Variants in PTPRG observed in about 807,000 individuals in gnomAD.
The protein encoded by PTPRG is protein tyrosine phosphatase receptor type G.
PTPRG carries 102 observed loss-of-function variants against 165.3 expected under a neutral mutation model. The observed-to-expected ratio is 0.62, with a 90% confidence interval of 0.53 to 0.73. The LOEUF (loss-of-function observed/expected upper bound fraction) is 0.73, where lower values mean the gene tolerates loss of function less well. Ranked by LOEUF, PTPRG falls within the 30% of genes least tolerant of loss-of-function variation. The pLI is 0.00. For missense variants in PTPRG, 1,866 were observed against 1,861.4 expected, an observed-to-expected ratio of 1.00 and a Z score of -0.05; for synonymous variants, 675 against 669.5, an observed-to-expected ratio of 1.01 and a Z score of -0.13.
intron 1 of PTPRG, among the ~76,000 whole-genome samples, chr3:61,628,128 A>G (rs1701662640): frequency 6.6e-6 from 1 of 152,190 alleles, no homozygotes; most frequent in South Asian, 2.1e-4. Flanking sequence ...TGCTCTAAGT[A>G]TATGTTGGAG....
intron 2 of PTPRG, among the ~76,000 whole-genome samples, chr3:61,928,188 A>G (rs12715574): frequency 0.78 from 118,013 of 152,110 alleles, 46,032 homozygotes; most frequent in Middle Eastern, 0.85. Context: ...AGTGGCCTTC[A>G]AGCTCCCTCT....
intron 1 of PTPRG, among the ~76,000 whole-genome samples, chr3:61,645,248 AG>A (rs1470009190): frequency 6.6e-6 from 1 of 152,232 alleles, no homozygotes; most frequent in Non-Finnish European, 1.5e-5. Context: ...AGAAAATAAA[AG>A]CTCTCCCAGT....
At chr3:62,156,679 A>G (rs1244135241) in intron 6 of PTPRG, among the ~76,000 whole-genome samples, 1 of 152,314 alleles carries the variant, frequency 6.6e-6, no homozygotes, top group East Asian at 1.9e-4. Context: ...GAAGAGTTCT[A>G]TGATGAAACA....
At chr3:62,261,121 TAAAC>T (rs1701684711) in intron 16 of PTPRG, 2 of 151,960 alleles carry the variant, frequency 1.3e-5, no homozygotes, top group Admixed American at 6.6e-5. Flanking sequence ...AAAAAATCAA[TAAAC>T]AAAGTAAATC....
At chr3:62,032,423 C>T (rs572289150) in intron 4 of PTPRG, among the ~76,000 whole-genome samples, 6 of 152,072 alleles carry the variant, frequency 3.9e-5, no homozygotes, top group Admixed American at 2.6e-4. Flanking sequence ...AATTGAATAC[C>T]GAATATACTA....
intron 2 of PTPRG, among the ~76,000 whole-genome samples, chr3:61,982,498 A>G (rs1447458559): frequency 1.3e-5 from 2 of 152,128 alleles, no homozygotes; most frequent in South Asian, 2.1e-4. Flanking sequence ...TCTTTAAAGG[A>G]CCTTCAGAAT....
intron 2 of PTPRG, among the ~76,000 whole-genome samples, chr3:61,765,920 T>A (rs576208591): frequency 6.6e-6 from 1 of 152,304 alleles, no homozygotes; most frequent in East Asian, 1.9e-4. Flanking sequence ...TGTAGATATT[T>A]GAGTATAAAG....
rs1420782861 is a variant in PTPRG, at chr3:61,995,714, T to G, written c.370+5910T>G. ...TTCCTTCCTTCCTTCCTTCCTTCCTTCCTTCCTTCCTTCCTTCCTTCCTTC... is the reference window on the plus strand; with the variant it reads ...TTCCTTCCTTCCTTCCTTCCTTCCTGCCTTCCTTCCTTCCTTCCTTCCTTC... On this transcript the variant is annotated intron_variant, in intron 3 of 29. Coordinates refer to ENST00000474889, the MANE Select transcript of PTPRG (RefSeq NM_002841.4). Among the ~76,000 whole-genome samples, 231 of 138,860 alleles carry G rather than the reference T, an allele frequency of 1.7e-3. 5 individuals carry two copies. Among genetic ancestry groups the G allele is most frequent in the African/African-American group, 5.8e-3 (212 of 36,380 alleles). 91.1% of individuals were successfully genotyped at this position (138,860 alleles called of 152,430 possible).
intron 2 of PTPRG, among the ~76,000 whole-genome samples, chr3:61,943,420 G>A (rs1043208362): frequency 2.1e-4 from 32 of 152,222 alleles, no homozygotes; most frequent in African/African-American, 7.7e-4. Flanking sequence ...GCGCAACTCC[G>A]TCTCTACTAA....
intron 4 of PTPRG, among the ~76,000 whole-genome samples, chr3:62,075,616 G>T (rs1252242951): frequency 1.3e-5 from 2 of 152,250 alleles, no homozygotes; most frequent in East Asian, 1.9e-4. Flanking sequence ...ATTTTCCTAG[G>T]AAGTGTCCTG....
At chr3:62,235,621 C>T (rs553500730) in intron 14 of PTPRG, among the ~76,000 whole-genome samples, 2 of 152,294 alleles carry the variant, frequency 1.3e-5, no homozygotes, top group South Asian at 4.1e-4. Flanking sequence ...TTTTCTCCCA[C>T]CTTCCTAAAG....
At chr3:61,992,310 G>C (rs2040915970) in intron 3 of PTPRG, among the ~76,000 whole-genome samples, 1 of 152,006 alleles carries the variant, frequency 6.6e-6, no homozygotes, top group African/African-American at 2.4e-5. Context: ...CTTGGGTGCA[G>C]AAATCAACTT....
chr3:61,737,940 T>C (rs1342651763), intron 1 of PTPRG, among the ~76,000 whole-genome samples: 2 of 150,820 alleles, frequency 1.3e-5, no homozygotes, highest in African/African-American at 4.9e-5. Context: ...ACGGAGTCTT[T>C]CTCTGTCGCC....
intron 1 of PTPRG, among the ~76,000 whole-genome samples, chr3:61,606,558 A>G (rs933038042): frequency 6.6e-6 from 1 of 152,246 alleles, no homozygotes; most frequent in African/African-American, 2.4e-5. Flanking sequence ...ATGTCAGTCC[A>G]TGTATGTTGT....
chr3:61,716,505 A>G (rs2031813306), intron 1 of PTPRG, among the ~76,000 whole-genome samples: 1 of 152,146 alleles, frequency 6.6e-6, no homozygotes, highest in South Asian at 2.1e-4. Flanking sequence ...CCCTTTTTAT[A>G]AAGAAAGTGG....
chr3:62,178,394 G>C (rs1029964119), intron 8 of PTPRG, among the ~76,000 whole-genome samples: 5 of 152,192 alleles, frequency 3.3e-5, no homozygotes, highest in Admixed American at 6.5e-5. Context: ...TGTAGCCCAG[G>C]CTGGGTGCTC....
chr3:61,744,672 T>C (rs988502117), intron 1 of PTPRG, among the ~76,000 whole-genome samples: 1 of 152,178 alleles, frequency 6.6e-6, no homozygotes, highest in Non-Finnish European at 1.5e-5. Flanking sequence ...AGGTCACACA[T>C]TACTGACAGA....
intron 2 of PTPRG, among the ~76,000 whole-genome samples, chr3:61,898,848 G>A (rs755161915): frequency 1.3e-5 from 2 of 152,142 alleles, no homozygotes; most frequent in Non-Finnish European, 2.9e-5. Flanking sequence ...CTTGAGCCTT[G>A]GTTCTGGAAA....
At chr3:62,269,754 C>G (rs560578226) in intron 20 of PTPRG, among the ~76,000 whole-genome samples, 1 of 152,160 alleles carries the variant, frequency 6.6e-6, no homozygotes, top group East Asian at 1.9e-4. Context: ...ATCTCAGTTT[C>G]TTTTTCAAAA....
Sources: allele counts gnomAD v4.1 joint callset (sites outside exome capture counted in the v4.1 genomes callset), GRCh38; gene constraint gnomAD v4.1.1; transcripts MANE v1.5; gene names NCBI Gene and HGNC (gene_info 2026-07-23, HGNC 2026-07-21).